NDOR1: variants seen among roughly 807,000 people sequenced by gnomAD.
The protein encoded by NDOR1 is NADPH-dependent diflavin oxidoreductase 1.
Under a neutral mutation model 67.2 loss-of-function variants are expected in NDOR1, and 61 were observed. The observed-to-expected ratio is 0.91, with a 90% CI of 0.74 to 1.12. The LOEUF (loss-of-function observed/expected upper bound fraction) is 1.12. Among genes scored for constraint, NDOR1 ranks in the 50% most tolerant of loss-of-function variants. NDOR1 has a pLI of 0.00. For missense variants in NDOR1, 878 were observed against 802.8 expected (o/e 1.09, Z -1.13); for synonymous variants, 378 against 343.7 (o/e 1.10, Z -1.10).
At chr9:137,213,691 C>T (rs1835371365) in intron 3 of NDOR1, 89 bp from the exon 4 acceptor site, 2 of 1,331,656 alleles carry the variant, frequency 1.5e-6, no homozygotes, top group Non-Finnish European at 2.1e-6. Flanking sequence ...CCACTCTTCG[C>T]CCGGGCTCCA....
In NDOR1 at chr9:137,217,967, G is replaced by A. The variant is rs139214364; in HGVS notation, c.*1551G>A. On this transcript the variant is annotated 3_prime_UTR_variant, in exon 14 of 14. Transcript: ENST00000684003. Reference sequence around the variant, plus strand: ...GCACCCCCAAGGTGCTGAGACTACAGCCAGTGAGCCCCTGCTGGGGGCCAA... The same window carrying A: ...GCACCCCCAAGGTGCTGAGACTACAACCAGTGAGCCCCTGCTGGGGGCCAA... The A allele has an allele frequency of 2.4e-3, 948 of 398,824 alleles. 1 individual carries two copies. Among genetic ancestry groups the A allele is most frequent in the Middle Eastern group, 5.0e-3 (8 of 1,590 alleles). 24.7% of individuals were successfully genotyped at this position (398,824 alleles called of 1,614,324 possible). A position where few individuals can be genotyped will look rare whatever the true frequency, so the allele number is the denominator to read the frequency against.
At chr9:137,209,470 C>T (rs987126514) in intron 2 of NDOR1, among the ~76,000 whole-genome samples, 4 of 152,132 alleles carry the variant, frequency 2.6e-5, no homozygotes, top group Non-Finnish European at 4.4e-5. Flanking sequence ...GGATTCAGGT[C>T]AACGAGGAAA....
intron 2 of NDOR1, 40 bp downstream of exon 2, chr9:137,206,349 C>T: frequency 6.3e-7 from 1 of 1,598,712 alleles, no homozygotes; most frequent in Non-Finnish European, 8.6e-7. Flanking sequence ...TCCCTGCCCT[C>T]GACCCTCACC....
At position 137,213,895 on chromosome 9, in the gene NDOR1, G is replaced by A. The variant is rs9803069; in HGVS notation, c.410+17G>A. On this transcript the variant is annotated intron_variant, in intron 4 of 13. Coordinates refer to ENST00000684003, the MANE Select transcript of NDOR1 (RefSeq NM_014434.4). The stretch of plus-strand genomic sequence containing the variant: ...TGAGCTGGGGTGAGTCTGCGGGCGT[G>A]GTACCCGCCTCCACAGTCTGGTCTG... The A allele has an allele frequency of 1.2e-5, 20 of 1,600,048 alleles. No individual in the cohort carries two copies. The highest frequency in any genetic ancestry group is 1.7e-4 in the Middle Eastern group (1 of 6,010).
At chr9:137,215,619 G>C (rs367762342) in intron 10 of NDOR1, 40 bp from the exon 11 acceptor site, 2 of 1,593,024 alleles carry the variant, frequency 1.3e-6, no homozygotes, top group Non-Finnish European at 1.7e-6. Context: ...ACTCAGCACA[G>C]GTCTTTGATC....
chr9:137,211,302 T>C (rs1470498101), intron 2 of NDOR1, among the ~76,000 whole-genome samples: 3 of 151,806 alleles, frequency 2.0e-5, no homozygotes, highest in African/African-American at 7.3e-5. Flanking sequence ...TAGAGCGGGG[T>C]CTGCGGCCAG....
chr9:137,206,927 A>T (rs1834996720), intron 2 of NDOR1, among the ~76,000 whole-genome samples: 1 of 152,172 alleles, frequency 6.6e-6, no homozygotes, highest in African/African-American at 2.4e-5. Context: ...CCGAGGAAGA[A>T]GGAGCAGTCA....
In NDOR1 at chr9:137,214,560, T is replaced by C; in HGVS notation, c.723-10T>C. ...GCGTCCCCACAGCCCTGGTGGCTTC[T>C]TCCACACAGCTTTGCTGCTGGTGAT... On this transcript the variant is annotated splice_polypyrimidine_tract_variant and intron_variant, in intron 6 of 13. Transcript: ENST00000684003. The C allele has an allele frequency of 6.2e-7, 1 of 1,611,374 alleles. No homozygotes were observed. The highest frequency in any genetic ancestry group is 8.5e-7 in the Non-Finnish European group (1 of 1,179,936).
intron 2 of NDOR1, among the ~76,000 whole-genome samples, chr9:137,211,021 A>G (rs1835227540): frequency 6.6e-6 from 1 of 152,174 alleles, no homozygotes; most frequent in South Asian, 2.1e-4. Flanking sequence ...CGCACCTGTA[A>G]TCCCAGCTAC....
In NDOR1 at chr9:137,216,964, G is replaced by C. The variant is rs1835639357; in HGVS notation, c.*548G>C. ...GGCCAGAGCAGCCTCTTCCTCTCCTGGTCCCAGAAAAACCCTTGCAGTAAA... is the reference window on the plus strand; with the variant it reads ...GGCCAGAGCAGCCTCTTCCTCTCCTCGTCCCAGAAAAACCCTTGCAGTAAA... On this transcript the variant is annotated 3_prime_UTR_variant, in exon 14 of 14. Coordinates refer to ENST00000684003, the MANE Select transcript of NDOR1 (RefSeq NM_014434.4). 5.7e-6 allele frequency: 1 copy of C among 174,336 alleles called. No homozygotes were observed. The highest frequency in any genetic ancestry group is 1.1e-4 in the South Asian group (1 of 9,076). 10.8% of individuals were successfully genotyped at this position (174,336 alleles called of 1,614,324 possible). A position where few individuals can be genotyped will look rare whatever the true frequency, so the allele number is the denominator to read the frequency against.
intron 12 of NDOR1, 26 bp from the exon 13 acceptor site, chr9:137,216,068 C>T (rs1187667911): frequency 6.2e-7 from 1 of 1,613,262 alleles, no homozygotes; most frequent in African/African-American, 1.3e-5. Context: ...CCGGCTCAGC[C>T]CCCAGCCCTG....
At position 137,207,539 on chromosome 9, in the gene NDOR1, C is replaced by T. The variant is rs1257934370; in HGVS notation, c.213+1230C>T. On this transcript the variant is annotated intron_variant, in intron 2 of 13. Transcript: ENST00000684003. ...TACAGAAGTGTGAGAAGAGGAAGCT[C>T]CTCTCTCCCCACAGGACAGGCTGCC... Among the ~76,000 whole-genome samples the T allele has an allele frequency of 2.0e-5, 3 of 151,980 alleles. No individual in the cohort carries two copies. In the East Asian group the frequency reaches 5.8e-4, roughly 29 times the overall value.
rs768505498 is a variant in NDOR1 at position 137,215,953 on chromosome 9, C to T, written c.1490C>T (p.Ala497Val). The T allele has an allele frequency of 1.2e-6, 2 of 1,613,748 alleles. No homozygotes were observed. ...CGGGACCAAGACTTCTACTGGGAGG[C>T]TGAGTGGCAGGAGCTGGAGAAGCGG... ...RWRDQDFYWE[A>V]EWQELEKRDC... Residue 497 changes from alanine (A) to valine (V), a missense_variant, in exon 12 of 14, where the codon GCT becomes GTT. By Grantham distance (64) the Ala-to-Val change is moderately conservative (BLOSUM62 0). Transcript: ENST00000684003.
chr9:137,218,671 G>C lies in NDOR1; in HGVS notation c.*2255G>C, dbSNP rs764774763. ...AGACTGGCCCACGTCCCCATGCCTG[G>C]GTGCTGTGAGGCCTGATGACCAGGC... On this transcript the variant is annotated 3_prime_UTR_variant, in exon 14 of 14. Transcript: ENST00000684003. The C allele has an allele frequency of 7.5e-6, 3 of 398,352 alleles. No homozygotes were observed. Among genetic ancestry groups the C allele is most frequent in the Non-Finnish European group, 1.3e-5 (3 of 225,906 alleles). 24.7% of individuals were successfully genotyped at this position (398,352 alleles called of 1,614,324 possible).
Position 137,214,798 on chromosome 9 carries a change from A to T in NDOR1, c.845A>T (p.Asp282Val). The change falls in exon 8 of 14, where the codon GAT (aspartate) becomes GTT (valine). Residue 282 changes from aspartate (D) to valine (V), a missense_variant and splice_region_variant. Physicochemically the swap from Asp to Val is radical, Grantham distance 152. Transcript: ENST00000684003. ...QLFMLQPREP[D>V]VSSPTRLPQP... The stretch of plus-strand genomic sequence containing the variant: ...CGGAGGCCTCCCACTCACCCTGCAG[A>T]TGTCTCCTCCCCCACGAGGCTGCCC... 1.2e-6 allele frequency: 2 copies of T among 1,601,428 alleles called. No homozygotes were observed. Among genetic ancestry groups the T allele is most frequent in the Non-Finnish European group, 1.7e-6 (2 of 1,177,608 alleles).
Position 137,216,614 on chromosome 9 carries a change from T to A in NDOR1, c.*198T>A. 3 of 680,378 alleles carry A rather than the reference T, an allele frequency of 4.4e-6. No homozygotes were observed. The highest frequency in any genetic ancestry group is 7.3e-6 in the Non-Finnish European group (3 of 413,020). The allele number at this position is 680,378 out of a possible 1,614,324, so 42.1% of individuals were successfully genotyped here. On this transcript the variant is annotated 3_prime_UTR_variant, in exon 14 of 14. Coordinates refer to ENST00000684003, the MANE Select transcript of NDOR1 (RefSeq NM_014434.4). ...CTTTGAGCCTGACCCCACTGCAGCC[T>A]CTGCCCAGCCAGCCCTGCGCTCCCC...
chr9:137,217,605 G>A lies in NDOR1; in HGVS notation c.*1189G>A, dbSNP rs756854862. 1.1e-5 allele frequency: 2 copies of A among 184,812 alleles called. No individual in the cohort carries two copies. Among genetic ancestry groups the A allele is most frequent in the Non-Finnish European group, 2.2e-5 (2 of 90,396 alleles). The allele number at this position is 184,812 out of a possible 1,614,324, so 11.4% of individuals were successfully genotyped here. On this transcript the variant is annotated 3_prime_UTR_variant, in exon 14 of 14. Coordinates refer to ENST00000684003, the MANE Select transcript of NDOR1 (RefSeq NM_014434.4). ...CAGATCTGGCTGGGGACAGCACCGC[G>A]TGGGCCCAGGATCCACCCAGAGCAG...
At position 137,212,153 on chromosome 9, in the gene NDOR1, A is replaced by G. The variant is rs932240665; in HGVS notation, c.214-349A>G. Among the ~76,000 whole-genome samples the G allele has an allele frequency of 6.6e-6, 1 of 152,082 alleles. No individual in the cohort carries two copies. Among genetic ancestry groups the G allele is most frequent in the Non-Finnish European group, 1.5e-5 (1 of 67,984 alleles). On this transcript the variant is annotated intron_variant, in intron 2 of 13. Transcript: ENST00000684003. This position sits in a 1 kb window ranked among gnomAD's most constrained non-coding sequence, Gnocchi z 4.3. ...GTGAGGGACCCCTGGGGCGGTGGACAGTTTGGAGACCAAGTGCAGAGCTGC... is the reference window on the plus strand; with the variant it reads ...GTGAGGGACCCCTGGGGCGGTGGACGGTTTGGAGACCAAGTGCAGAGCTGC...
rs750727000 is a variant in NDOR1, at chr9:137,215,145, G to A, written c.1116G>A (p.Leu372=). The stretch of plus-strand genomic sequence containing the variant: ...CTGCCGCCATCCCTCCCGACTACCT[G>A]TTGGACCTCATCCCCGTTATCCGGC... ...HTAAAIPPDY[L]LDLIPVIRPR... is the part of the protein sequence containing the mutation. The change falls in exon 9 of 14, where the codon CTG becomes CTA. Residue 372 remains leucine, a synonymous_variant. Coordinates refer to ENST00000684003, the MANE Select transcript of NDOR1 (RefSeq NM_014434.4). 6.2e-7 allele frequency: 1 copy of A among 1,613,682 alleles called. No individual in the cohort carries two copies. The highest frequency in any genetic ancestry group is 8.5e-7 in the Non-Finnish European group (1 of 1,180,002).
Sources: gnomAD v4.1 joint callset for allele counts (sites outside exome capture counted in the v4.1 genomes callset) on GRCh38, gnomAD v4.1.1 for gene constraint, Gnocchi (gnomAD v3.1) non-coding constraint, MANE v1.5 for transcripts, NCBI Gene and HGNC (gene_info 2026-07-23, HGNC 2026-07-21) for gene names.